The following GALNTL6 variants were observed in gnomAD, a reference collection of about 807,000 sequenced individuals.
The protein encoded by GALNTL6 is polypeptide N-acetylgalactosaminyltransferase like 6, also known as polypeptide N-acetylgalactosaminyltransferase-like 6.
A neutral mutation model predicts 73.7 loss-of-function variants in GALNTL6; 46 were observed. That is an observed-to-expected ratio of 0.62 (90% CI 0.49 to 0.80). The LOEUF (loss-of-function observed/expected upper bound fraction) is 0.80. Among genes scored for constraint, GALNTL6 ranks in the 30% least tolerant of loss-of-function variants. The pLI, the probability that GALNTL6 is intolerant of heterozygous loss-of-function variation, is 0.00. For missense variants in GALNTL6, 604 were observed against 755.0 expected, an observed-to-expected ratio of 0.80 and a Z score of 2.34; for synonymous variants, 259 against 263.7, an observed-to-expected ratio of 0.98 and a Z score of 0.17.
At chr4:172,922,165 A>T (rs1026025758) in intron 8 of GALNTL6, among the ~76,000 whole-genome samples, 63 of 152,250 alleles carry the variant, frequency 4.1e-4, no homozygotes, top group African/African-American at 1.3e-3. Flanking sequence ...ACCGTGTAAG[A>T]ACTGCCTTTC....
At chr4:172,525,650 C>T (rs577666622) in intron 5 of GALNTL6, among the ~76,000 whole-genome samples, 1 of 152,132 alleles carries the variant, frequency 6.6e-6, no homozygotes, top group South Asian at 2.1e-4. Context: ...ACCGTTTGAG[C>T]CCAGAAGTTC....
intron 1 of GALNTL6, among the ~76,000 whole-genome samples, chr4:171,814,193 C>T (rs1189695087): frequency 6.6e-6 from 1 of 152,118 alleles, no homozygotes; most frequent in Non-Finnish European, 1.5e-5. Flanking sequence ...ACAACAACAG[C>T]AACAAAAACT....
At chr4:171,981,136 C>T in intron 2 of GALNTL6, among the ~76,000 whole-genome samples, 1 of 152,152 alleles carries the variant, frequency 6.6e-6, no homozygotes, top group Non-Finnish European at 1.5e-5. Context: ...CAGGGTACAA[C>T]TTGCTTTTAT....
chr4:172,557,270 T>C (rs2110916097), intron 5 of GALNTL6, among the ~76,000 whole-genome samples: 1 of 152,274 alleles, frequency 6.6e-6, no homozygotes, highest in East Asian at 1.9e-4. Context: ...GTACTTATAG[T>C]AGTTTCCTCA....
At position 172,131,521 on chromosome 4, in the gene GALNTL6, TACAC is replaced by T. The variant is rs772971612; in HGVS notation, c.139-98125_139-98122del. The stretch of plus-strand genomic sequence containing the variant: ...TATTTTATATATGTGTGCATATATA[TACAC>T]ACACACACATATGTGTTTGTGTGTG... On this transcript the variant is annotated intron_variant, in intron 2 of 12. Coordinates refer to ENST00000506823, the MANE Select transcript of GALNTL6 (RefSeq NM_001034845.3). 1.4e-4 allele frequency among the ~76,000 whole-genome samples: 21 copies of T among 149,062 alleles called. No homozygotes were observed. In the Admixed American group the frequency reaches 1.4e-3, roughly 10 times the overall value.
At chr4:172,588,829 C>G (rs756357361) in intron 5 of GALNTL6, among the ~76,000 whole-genome samples, 5 of 152,086 alleles carry the variant, frequency 3.3e-5, no homozygotes, top group Non-Finnish European at 7.4e-5. Flanking sequence ...TGAAACAGAT[C>G]CGCAGCTCTG....
At chr4:171,880,555 T>G (rs1388568413) in intron 2 of GALNTL6, among the ~76,000 whole-genome samples, 1 of 152,210 alleles carries the variant, frequency 6.6e-6, no homozygotes, top group Non-Finnish European at 1.5e-5. Context: ...TGAGAAACAT[T>G]GTGTGTTCAA....
intron 2 of GALNTL6, among the ~76,000 whole-genome samples, chr4:172,190,958 T>G (rs897182339): frequency 2.0e-5 from 3 of 152,210 alleles, no homozygotes; most frequent in Admixed American, 1.3e-4. Context: ...CTCGTGATTT[T>G]TTCCTAGGTC....
In GALNTL6 at chr4:172,213,005, A is replaced by G. The variant is rs530099805; in HGVS notation, c.139-16651A>G. ...TCTTTTATCATTGCCATAGTCTTGC[A>G]TTTCCTAAAGTATCACATAGTTGGA... On this transcript the variant is annotated intron_variant, in intron 2 of 12. Transcript: ENST00000506823. Among the ~76,000 whole-genome samples the G allele has an allele frequency of 2.0e-5, 3 of 152,156 alleles. No homozygotes were observed. In the East Asian group the frequency reaches 5.8e-4, roughly 29 times the overall value.
chr4:172,310,335 A>G (rs1740310091), intron 3 of GALNTL6, among the ~76,000 whole-genome samples: 2 of 152,094 alleles, frequency 1.3e-5, no homozygotes, highest in African/African-American at 2.4e-5. Flanking sequence ...CAGTGGCCCA[A>G]TCTTGGCTTA....
At chr4:172,729,854 A>G (rs561044633) in intron 5 of GALNTL6, among the ~76,000 whole-genome samples, 1 of 152,180 alleles carries the variant, frequency 6.6e-6, no homozygotes, top group South Asian at 2.1e-4. Flanking sequence ...AATTGTTCCA[A>G]TCCATGAGCA....
intron 2 of GALNTL6, among the ~76,000 whole-genome samples, chr4:172,004,432 A>C (rs1169883483): frequency 6.6e-6 from 1 of 152,086 alleles, no homozygotes; most frequent in Non-Finnish European, 1.5e-5. Flanking sequence ...TTCTTAAAAA[A>C]TTTTAAACTG....
intron 5 of GALNTL6, among the ~76,000 whole-genome samples, chr4:172,451,014 TCAC>T (rs1732188551): frequency 6.6e-6 from 1 of 152,228 alleles, no homozygotes; most frequent in South Asian, 2.1e-4. Flanking sequence ...GGGAATCTGT[TCAC>T]CACAGCATTC....
At chr4:172,869,195 A>G (rs1338661663) in intron 7 of GALNTL6, among the ~76,000 whole-genome samples, 1 of 152,242 alleles carries the variant, frequency 6.6e-6, no homozygotes, top group Non-Finnish European at 1.5e-5. Flanking sequence ...TCTACTGCAA[A>G]TAATTTCTGG....
intron 2 of GALNTL6, among the ~76,000 whole-genome samples, chr4:172,220,021 G>A (rs919204265): frequency 2.6e-5 from 4 of 151,744 alleles, no homozygotes; most frequent in Admixed American, 2.0e-4. Flanking sequence ...TCTCTGTTAG[G>A]AATTTCTCCT....
chr4:172,201,174 G>GTT (rs568015820), intron 2 of GALNTL6, among the ~76,000 whole-genome samples: 5,531 of 150,940 alleles, frequency 0.037, 299 homozygotes, highest in African/African-American at 0.12. Flanking sequence ...TTAGTTGGGA[G>GTT]TTGTTTTTTT....
chr4:171,814,363 C>G, intron 1 of GALNTL6, 49 bp from the exon 2 acceptor site: 1 of 592,566 alleles, frequency 1.7e-6, no homozygotes, highest in Non-Finnish European at 3.0e-6. Flanking sequence ...TAGATAATGC[C>G]TTCGTCATAG....
chr4:171,914,151 A>C (rs1282362342), intron 2 of GALNTL6, among the ~76,000 whole-genome samples: 3 of 152,160 alleles, frequency 2.0e-5, no homozygotes, highest in Admixed American at 2.0e-4. Context: ...GGTCCCCCAC[A>C]CATGACATAG....
At chr4:172,631,766 G>A (rs1318118288) in intron 5 of GALNTL6, among the ~76,000 whole-genome samples, 1 of 152,188 alleles carries the variant, frequency 6.6e-6, no homozygotes, top group African/African-American at 2.4e-5. Context: ...AGTAATGAAT[G>A]TGTCTGAATA....
Sources: allele counts gnomAD v4.1 joint callset (sites outside exome capture counted in the v4.1 genomes callset), GRCh38; gene constraint gnomAD v4.1.1; transcripts MANE v1.5; gene names NCBI Gene and HGNC (gene_info 2026-07-23, HGNC 2026-07-21).